The following GSG1L variants were observed in gnomAD, a reference collection of about 807,000 sequenced individuals.
GSG1L encodes the protein GSG1 like, also known as germ cell-specific gene 1-like protein.
Under a neutral mutation model 42.1 loss-of-function variants are expected in GSG1L, and 24 were observed. The ratio of observed to expected loss-of-function variants is 0.57; its 90% CI spans 0.41 to 0.80. GSG1L has a LOEUF of 0.80. Among genes scored for constraint, GSG1L ranks in the 30% least tolerant of loss-of-function variants. The probability of loss-of-function intolerance (pLI) is 0.00; values close to 1 mark genes in which losing one functional copy is unlikely to be tolerated. For missense variants in GSG1L, 445 were observed against 472.2 expected (o/e 0.94, Z 0.53); for synonymous variants, 215 against 203.5 (o/e 1.06, Z -0.48).
chr16:27,836,770 G>A (rs2083325662), intron 4 of GSG1L, among the ~76,000 whole-genome samples: 1 of 152,228 alleles, frequency 6.6e-6, no homozygotes, highest in East Asian at 1.9e-4. Context: ...GCAACTGCTT[G>A]TTGAAGCATT....
At chr16:27,859,486 A>G (rs2083617222) in intron 3 of GSG1L, among the ~76,000 whole-genome samples, 4 of 152,172 alleles carry the variant, frequency 2.6e-5, no homozygotes, top group South Asian at 2.1e-4. Flanking sequence ...CCCAGGGCCA[A>G]GCAAATATAG....
chr16:27,863,309 C>A (rs1027862935), intron 3 of GSG1L: 2 of 152,166 alleles, frequency 1.3e-5, no homozygotes, highest in African/African-American at 4.8e-5. Flanking sequence ...ATTAGCATGA[C>A]CCCTATGGAA....
chr16:27,986,779 C>G (rs183453612), intron 1 of GSG1L, among the ~76,000 whole-genome samples: 52 of 152,360 alleles, frequency 3.4e-4, no homozygotes, highest in African/African-American at 1.2e-3. Flanking sequence ...TGCCTTCCAG[C>G]TGGACCTGCT....
intron 5 of GSG1L, among the ~76,000 whole-genome samples, chr16:27,812,968 C>T (rs1475169396): frequency 2.0e-5 from 3 of 151,936 alleles, no homozygotes; most frequent in Non-Finnish European, 2.9e-5. Flanking sequence ...TTAGTAGAGA[C>T]GGGGTTTCAC....
intron 3 of GSG1L, among the ~76,000 whole-genome samples, chr16:27,870,011 TTC>T (rs1306331400): frequency 8.9e-6 from 1 of 112,914 alleles, no homozygotes; most frequent in African/African-American, 3.5e-5. Context: ...CTCTTTCCTT[TTC>T]TCTGTCTCCC....
At chr16:28,030,782 AT>A (rs2085950262) in intron 1 of GSG1L, among the ~76,000 whole-genome samples, 1 of 128,588 alleles carries the variant, frequency 7.8e-6, no homozygotes. Context: ...ATGGGATGGG[AT>A]GGGATGGGAT....
chr16:27,884,478 T>C lies in GSG1L; in HGVS notation c.550+8A>G, dbSNP rs769685699. 7.4e-6 allele frequency: 12 copies of C among 1,612,508 alleles called. No individual in the cohort carries two copies. Among genetic ancestry groups the C allele is most frequent in the Non-Finnish European group, 9.3e-6 (11 of 1,179,202 alleles). ...CTCTGAGAGGCCACAGGACCAGCCA[T>C]GCCTTACCTGAGAGCACCGTGAAGA... is the stretch of plus-strand genomic sequence containing the variant. On this transcript the variant is annotated splice_region_variant and intron_variant, in intron 3 of 6. Coordinates refer to ENST00000447459, the MANE Select transcript of GSG1L (RefSeq NM_001109763.2). The surrounding 1 kb of genome is among the most constrained non-coding windows in gnomAD (Gnocchi z 4.4).
chr16:27,829,733 G>A (rs1029951863), intron 4 of GSG1L, among the ~76,000 whole-genome samples: 1 of 152,106 alleles, frequency 6.6e-6, no homozygotes, highest in Non-Finnish European at 1.5e-5. Flanking sequence ...TCATCGTAAT[G>A]GACAACAGCA....
intron 1 of GSG1L, among the ~76,000 whole-genome samples, chr16:27,996,210 T>C (rs2085512945): frequency 6.6e-6 from 1 of 152,158 alleles, no homozygotes; most frequent in South Asian, 2.1e-4. Context: ...GGAATACTTG[T>C]AGAACCCATA....
intron 3 of GSG1L, among the ~76,000 whole-genome samples, chr16:27,869,476 CATCT>C (rs1164862051): frequency 6.7e-6 from 1 of 150,006 alleles, no homozygotes; most frequent in Admixed American, 6.6e-5. Flanking sequence ...TGTCTCCCTC[CATCT>C]CTCTCTCTCC....
chr16:27,893,026 A>C (rs2084147143), intron 2 of GSG1L, among the ~76,000 whole-genome samples: 1 of 152,128 alleles, frequency 6.6e-6, no homozygotes, highest in Non-Finnish European at 1.5e-5. Context: ...GGCCCGGCAG[A>C]GCCTCGCCTT....
At chr16:27,983,129 G>A (rs759430523) in intron 1 of GSG1L, among the ~76,000 whole-genome samples, 14 of 152,296 alleles carry the variant, frequency 9.2e-5, no homozygotes, top group South Asian at 2.1e-4. Flanking sequence ...GAGTCCAGGA[G>A]TTTCAGACCA....
At chr16:28,045,064 G>C (rs1291976646) in intron 1 of GSG1L, among the ~76,000 whole-genome samples, 1 of 151,502 alleles carries the variant, frequency 6.6e-6, no homozygotes, top group African/African-American at 2.4e-5. Context: ...TTGGGGGAAA[G>C]AAAGGACAAA....
chr16:27,843,123 T>A (rs2083405191), intron 4 of GSG1L, among the ~76,000 whole-genome samples: 1 of 152,218 alleles, frequency 6.6e-6, no homozygotes, highest in African/African-American at 2.4e-5. Flanking sequence ...CTAGAGGAAG[T>A]ACTCAGTTAA....
intron 1 of GSG1L, among the ~76,000 whole-genome samples, chr16:27,972,950 G>A (rs2085210073): frequency 6.6e-6 from 1 of 152,228 alleles, no homozygotes; most frequent in Non-Finnish European, 1.5e-5. Flanking sequence ...GGGCATTTAT[G>A]GGGCAGAATA....
At chr16:27,975,968 G>A (rs2085245874) in intron 1 of GSG1L, among the ~76,000 whole-genome samples, 1 of 152,128 alleles carries the variant, frequency 6.6e-6, no homozygotes, top group African/African-American at 2.4e-5. Flanking sequence ...GATGTTTCCT[G>A]GCTCTTCTAA....
chr16:27,826,421 G>A (rs1380807064), intron 5 of GSG1L, among the ~76,000 whole-genome samples: 1 of 152,214 alleles, frequency 6.6e-6, no homozygotes, highest in East Asian at 1.9e-4. Context: ...CCCTGAGGAT[G>A]TGCAGTGATG....
Position 28,008,580 on chromosome 16 carries a change from G to A in GSG1L, c.350-45377C>T, listed in dbSNP as rs115032426. Among the ~76,000 whole-genome samples the A allele has an allele frequency of 2.0e-5, 3 of 152,106 alleles. No individual in the cohort carries two copies. In the East Asian group the frequency reaches 5.8e-4, roughly 29 times the overall value. On this transcript the variant is annotated intron_variant, in intron 1 of 6. Transcript: ENST00000447459. Reference sequence around the variant, plus strand: ...CCTCCCCTCTCACTCCCTTCCATCTGTTCCAACCCAGGCACCAGGGAGGTC... The same window carrying A: ...CCTCCCCTCTCACTCCCTTCCATCTATTCCAACCCAGGCACCAGGGAGGTC...
intron 2 of GSG1L, among the ~76,000 whole-genome samples, chr16:27,931,702 G>T (rs1236257714): frequency 6.6e-6 from 1 of 152,122 alleles, no homozygotes; most frequent in Non-Finnish European, 1.5e-5. Flanking sequence ...GAGGACACAG[G>T]TCCTTAGGAT....
Sources: gnomAD v4.1 joint callset for allele counts (sites outside exome capture counted in the v4.1 genomes callset) on GRCh38, gnomAD v4.1.1 for gene constraint, Gnocchi (gnomAD v3.1) non-coding constraint, MANE v1.5 for transcripts, NCBI Gene and HGNC (gene_info 2026-07-23, HGNC 2026-07-21) for gene names.